The following KDM1B variants were observed in gnomAD, a reference collection of about 807,000 sequenced individuals.
KDM1B encodes the protein lysine-specific histone demethylase 2.
In KDM1B, 63 loss-of-function variants were observed where a neutral mutation model predicts 107.4. The observed-to-expected ratio is 0.59, with a 90% CI of 0.48 to 0.72. The LOEUF (loss-of-function observed/expected upper bound fraction) is 0.72. Ranked by LOEUF, KDM1B falls within the 30% of genes least tolerant of loss-of-function variation. The probability of loss-of-function intolerance (pLI) is 0.00; values close to 1 mark genes in which losing one functional copy is unlikely to be tolerated. For synonymous variants in KDM1B, 363 were observed against 363.9 expected (o/e 1.00, Z 0.03); for missense variants, 749 against 1,020.8 (o/e 0.73, Z 3.63).
chr6:18,158,234 A>C (rs1362720457), intron 2 of KDM1B, among the ~76,000 whole-genome samples: 5 of 148,094 alleles, frequency 3.4e-5, no homozygotes, highest in East Asian at 2.1e-4. Context: ...TGTAGGGATT[A>C]TGTGTTCACA....
In KDM1B at chr6:18,162,162, A is replaced by T. The variant is rs1759277844; in HGVS notation, c.216-673A>T. On this transcript the variant is annotated intron_variant, in intron 4 of 21. Transcript: ENST00000650836. This position sits in a 1 kb window ranked among gnomAD's most constrained non-coding sequence, Gnocchi z 4.1. Reference sequence around the variant, plus strand: ...ATGGTGAAACCCTGTCTCTACTAAAAATACACAAATTAGCTGGGCACGGTG... The same window carrying T: ...ATGGTGAAACCCTGTCTCTACTAAATATACACAAATTAGCTGGGCACGGTG... Among the ~76,000 whole-genome samples the T allele has an allele frequency of 6.6e-6, 1 of 152,036 alleles. No homozygotes were observed. Among genetic ancestry groups the T allele is most frequent in the African/African-American group, 2.4e-5 (1 of 41,396 alleles).
intron 16 of KDM1B, 53 bp from the exon 17 acceptor site, chr6:18,208,079 C>T (rs1788509812): frequency 7.8e-7 from 1 of 1,285,008 alleles, no homozygotes; most frequent in Admixed American, 1.7e-5. Flanking sequence ...GGAAAGGATC[C>T]TGGATCACGT....
chr6:18,171,471 G>C lies in KDM1B; in HGVS notation c.526G>C (p.Ala176Pro), dbSNP rs762700618. 1 of 1,561,278 alleles carries C rather than the reference G, an allele frequency of 6.4e-7. No homozygotes were observed. Among genetic ancestry groups the C allele is most frequent in the East Asian group, 2.2e-5 (1 of 44,606 alleles). ...TYRCGMKPNT[A>P]IKPETSDHCS... is the part of the protein sequence containing the mutation. Reference sequence around the variant, plus strand: ...TCGATGCGGTATGAAACCAAATACTGCTATTAAGGTATGTTCTCTTTTTGC... The same window carrying C: ...TCGATGCGGTATGAAACCAAATACTCCTATTAAGGTATGTTCTCTTTTTGC... Residue 176 changes from alanine to proline, a missense_variant, in exon 7 of 22, where the codon GCT (alanine) becomes CCT (proline). Coordinates refer to ENST00000650836, the MANE Select transcript of KDM1B (RefSeq NM_001364614.2).
intron 17 of KDM1B, among the ~76,000 whole-genome samples, chr6:18,208,603 GTATATATATATATATA>G (rs774817680): frequency 8.6e-5 from 3 of 34,896 alleles, no homozygotes; most frequent in African/African-American, 1.2e-4. Context: ...GTATGTGTAT[GTATATATATATATATA>G]TATATATATT....
At chr6:18,167,246 A>C (rs1435809128) in intron 6 of KDM1B, among the ~76,000 whole-genome samples, 1 of 151,648 alleles carries the variant, frequency 6.6e-6, no homozygotes, top group Non-Finnish European at 1.5e-5. Context: ...TGTCCCAGCT[A>C]CTTGGGAGGC....
rs1457253785 is a variant in KDM1B, at chr6:18,211,279, T to A, written c.1867-1209T>A. On this transcript the variant is annotated intron_variant, in intron 17 of 21. Transcript: ENST00000650836. This position sits in a 1 kb window ranked among gnomAD's most constrained non-coding sequence, Gnocchi z 5.2. ...AAAATCTTTGAAGCCTCAGGTAGAT[T>A]GGGTGCTTGGTCTTCAACTCCATTC... 6.6e-6 allele frequency among the ~76,000 whole-genome samples: 1 copy of A among 152,122 alleles called. No individual in the cohort carries two copies. Among genetic ancestry groups the A allele is most frequent in the Non-Finnish European group, 1.5e-5 (1 of 68,026 alleles).
chr6:18,187,358 A>G (rs921552610), intron 8 of KDM1B, among the ~76,000 whole-genome samples: 24 of 152,158 alleles, frequency 1.6e-4, no homozygotes, highest in African/African-American at 5.8e-4. Context: ...ATTATTTTTT[A>G]TGCCCAGTTT....
chr6:18,179,538 A>G (rs1201971820), intron 7 of KDM1B, among the ~76,000 whole-genome samples: 3 of 152,178 alleles, frequency 2.0e-5, no homozygotes, highest in African/African-American at 7.2e-5. Flanking sequence ...TAGGAATTAC[A>G]AATTCAGTTT....
rs1787953573 is a variant in KDM1B at position 18,200,358 on chromosome 6, T to C, written c.1222-81T>C. 2 of 1,323,244 alleles carry C rather than the reference T, an allele frequency of 1.5e-6. No homozygotes were observed. The highest frequency in any genetic ancestry group is 4.5e-5 in the Admixed American group (2 of 44,678). 82.0% of individuals were successfully genotyped at this position (1,323,244 alleles called of 1,614,324 possible). ...ACCAAATATAGAGGCTATTTAACAGTGTCCTTCTACATTTTTATAATACTG... is the reference window on the plus strand; with the variant it reads ...ACCAAATATAGAGGCTATTTAACAGCGTCCTTCTACATTTTTATAATACTG... On this transcript the variant is annotated intron_variant, in intron 12 of 21. Coordinates refer to ENST00000650836, the MANE Select transcript of KDM1B (RefSeq NM_001364614.2). The surrounding 1 kb of genome is among the most constrained non-coding windows in gnomAD (Gnocchi z 4.3).
chr6:18,178,421 T>G (rs1446953323), intron 7 of KDM1B, among the ~76,000 whole-genome samples: 1 of 147,070 alleles, frequency 6.8e-6, no homozygotes, highest in Non-Finnish European at 1.5e-5. Context: ...TGAAACAGAG[T>G]CTTGCTTTGT....
Position 18,197,586 on chromosome 6 carries a change from G to A in KDM1B, c.1147-1G>A, listed in dbSNP as rs766203687. 6.2e-7 allele frequency: 1 copy of A among 1,612,868 alleles called. No individual in the cohort carries two copies. Among genetic ancestry groups the A allele is most frequent in the Admixed American group, 1.7e-5 (1 of 59,992 alleles). ...GGACTTTTGTTTCTTTTCTTTTTAA[G>A]AAATCAGTCATCATTATCGGGGCTG... On this transcript the variant is annotated splice_acceptor_variant, in intron 11 of 21. Coordinates refer to ENST00000650836, the MANE Select transcript of KDM1B (RefSeq NM_001364614.2). LOFTEE classifies it high-confidence loss of function. This position sits in a 1 kb window ranked among gnomAD's most constrained non-coding sequence, Gnocchi z 4.5.
chr6:18,221,776 G>A (rs1170204165), intron 21 of KDM1B, 133 bp from the exon 22 acceptor site: 3 of 703,104 alleles, frequency 4.3e-6, no homozygotes, highest in African/African-American at 1.8e-5. Flanking sequence ...GTTACGATGG[G>A]TGAGTGTGAA....
At chr6:18,183,115 A>G (rs1395154691) in intron 7 of KDM1B, among the ~76,000 whole-genome samples, 1 of 152,170 alleles carries the variant, frequency 6.6e-6, no homozygotes, top group Non-Finnish European at 1.5e-5. Context: ...AATGAAAGCA[A>G]ACACTGGTGT....
In KDM1B at chr6:18,179,977, C is replaced by G. The variant is rs575103569; in HGVS notation, c.535-5795C>G. 1.5e-4 allele frequency among the ~76,000 whole-genome samples: 23 copies of G among 149,516 alleles called. No homozygotes were observed. The East Asian group carries it at 2.7e-3, about 18-fold the overall frequency. On this transcript the variant is annotated intron_variant, in intron 7 of 21. Coordinates refer to ENST00000650836, the MANE Select transcript of KDM1B (RefSeq NM_001364614.2). ...TTCCTGGGCTCAGGTGATTCTGCCACCGTAGTCTCCTGAGTAGCTGGGACT... is the reference window on the plus strand; with the variant it reads ...TTCCTGGGCTCAGGTGATTCTGCCAGCGTAGTCTCCTGAGTAGCTGGGACT...
At chr6:18,190,735 A>G (rs1285288027) in intron 9 of KDM1B, among the ~76,000 whole-genome samples, 1 of 152,076 alleles carries the variant, frequency 6.6e-6, no homozygotes, top group East Asian at 1.9e-4. Flanking sequence ...ACCCATAGCT[A>G]CTAAAAATAG....
At position 18,155,763 on chromosome 6, in the gene KDM1B, G is replaced by C. The variant is rs1388528615; in HGVS notation, c.-57-120G>C. ...GCCCCGGATTAAAAGAGGGTGCGGG[G>C]TGGGTATCTGTCTGAAGAAGGGGGA... On this transcript the variant is annotated intron_variant, in intron 1 of 21. Transcript: ENST00000650836. This position sits in a 1 kb window ranked among gnomAD's most constrained non-coding sequence, Gnocchi z 6.2. 1 of 152,330 alleles carries C rather than the reference G, an allele frequency of 6.6e-6. No individual in the cohort carries two copies. The highest frequency in any genetic ancestry group is 2.1e-4 in the South Asian group (1 of 4,838). 9.4% of individuals were successfully genotyped at this position (152,330 alleles called of 1,614,324 possible).
intron 15 of KDM1B, among the ~76,000 whole-genome samples, chr6:18,206,021 G>T (rs146855101): frequency 6.6e-6 from 1 of 152,028 alleles, no homozygotes; most frequent in Non-Finnish European, 1.5e-5. Flanking sequence ...ATGTGTGTGT[G>T]TGTTTTGTGT....
rs998563055 is a variant in KDM1B, at chr6:18,191,192, A to G, written c.785-5A>G. 1.0e-5 allele frequency: 16 copies of G among 1,549,168 alleles called. No homozygotes were observed. In the African/African-American group the frequency reaches 1.5e-4, roughly 15 times the overall value. On this transcript the variant is annotated splice_polypyrimidine_tract_variant and splice_region_variant and intron_variant, in intron 9 of 21. Transcript: ENST00000650836. The surrounding 1 kb of genome is among the most constrained non-coding windows in gnomAD (Gnocchi z 5.1). ...TAGGAGTTGCCCATTTGTGTTACCT[A>G]TCAGTTCCAGGCATGAACCGATACT...
At chr6:18,183,012 A>T (rs1381216653) in intron 7 of KDM1B, among the ~76,000 whole-genome samples, 1 of 152,218 alleles carries the variant, frequency 6.6e-6, no homozygotes, top group African/African-American at 2.4e-5. Context: ...GTTCCTACAA[A>T]TGAAATTTCT....
Sources: allele counts gnomAD v4.1 joint callset (sites outside exome capture counted in the v4.1 genomes callset), GRCh38; gene constraint gnomAD v4.1.1; non-coding constraint Gnocchi (gnomAD v3.1); transcripts MANE v1.5; gene names NCBI Gene and HGNC (gene_info 2026-07-23, HGNC 2026-07-21).